The following DST variants were observed in gnomAD, a reference collection of about 807,000 sequenced individuals.
DST encodes the protein bullous pemphigoid antigen.
A neutral mutation model predicts 875.2 loss-of-function variants in DST; 253 were observed. That is an observed-to-expected ratio of 0.29 (90% CI 0.26 to 0.32). DST has a LOEUF of 0.32. Among genes scored for constraint, DST ranks in the 10% least tolerant of loss-of-function variants. DST has a pLI of 1.00. For missense variants in DST, 8,287 were observed against 9,111.6 expected (o/e 0.91, Z 3.68); for synonymous variants, 3,124 against 3,197.1 (o/e 0.98, Z 0.77).
chr6:56,601,511 A>T lies in DST; in HGVS notation c.11473T>A (p.Ser3825Thr), dbSNP rs779439646. Residue 3825 changes from serine (S) to threonine (T), a missense_variant, in exon 44 of 104, where the codon TCA (serine) becomes ACA (threonine). This residue lies in a region of DST where 3,138 missense variants were observed against 3,116.6 expected (regional missense o/e 1.01). Coordinates refer to ENST00000680361, the MANE Select transcript of DST (RefSeq NM_001374736.1). ...AAACGTTCCACCTGGGTAGTTACTG[A>T]CTCCTGTACATCAAGAAAACACTTC... ...TQKCFLDVQE[S>T]VTTQVERLET... The T allele has an allele frequency of 1.2e-6, 2 of 1,606,220 alleles. No individual in the cohort carries two copies. Among genetic ancestry groups the T allele is most frequent in the Non-Finnish European group, 1.7e-6 (2 of 1,176,612 alleles).
chr6:56,944,398 A>T (rs1818342481), intron 2 of DST, among the ~76,000 whole-genome samples: 1 of 151,672 alleles, frequency 6.6e-6, no homozygotes, highest in Admixed American at 6.6e-5. Context: ...GGGAGTCATG[A>T]AAGTTTCCCT....
At chr6:56,536,140 G>A (rs188966796) in intron 62 of DST, among the ~76,000 whole-genome samples, 21 of 152,256 alleles carry the variant, frequency 1.4e-4, no homozygotes, top group Non-Finnish European at 2.9e-5. Context: ...TTTATGTCTC[G>A]TAAGAGCTGC....
intron 32 of DST, among the ~76,000 whole-genome samples, chr6:56,628,776 G>A (rs183488876): frequency 8.2e-4 from 125 of 152,242 alleles, no homozygotes; most frequent in African/African-American, 2.9e-3. Flanking sequence ...ATTTTAAGAT[G>A]AACCCTAAAA....
Position 56,641,973 on chromosome 6 carries a change from G to A in DST, c.2001C>T (p.Tyr667=). 5 of 1,613,442 alleles carry A rather than the reference G, an allele frequency of 3.1e-6. No individual in the cohort carries two copies. The highest frequency in any genetic ancestry group is 2.2e-5 in the South Asian group (2 of 91,022). ...IDVQILIDGK[Y]YQADQLVQRV... is the part of the protein sequence containing the mutation. Reference sequence around the variant, plus strand: ...TCTGTACCAATTGATCTGCCTGGTAGTATTTTCCATCAATAAGAATCTGTA... The same window carrying A: ...TCTGTACCAATTGATCTGCCTGGTAATATTTTCCATCAATAAGAATCTGTA... The change falls in exon 17 of 104, where the codon TAC becomes TAT. Residue 667 remains tyrosine (Y), a synonymous_variant. Coordinates refer to ENST00000680361, the MANE Select transcript of DST (RefSeq NM_001374736.1).
chr6:56,755,498 C>T (rs77694367), intron 4 of DST, among the ~76,000 whole-genome samples: 10,791 of 152,196 alleles, frequency 0.071, 1,212 homozygotes, highest in African/African-American at 0.24. Flanking sequence ...CAGATACTTA[C>T]ATTTAAAGAT....
intron 61 of DST, among the ~76,000 whole-genome samples, chr6:56,543,631 A>G (rs977693843): frequency 6.6e-6 from 1 of 152,244 alleles, no homozygotes; most frequent in African/African-American, 2.4e-5. Context: ...ATTTTACAAA[A>G]TAAGAAACAT....
At position 56,476,412 on chromosome 6, in the gene DST, A is replaced by T. The variant is rs3736848; in HGVS notation, c.21676-75T>A. ...AATTGCAGTGATGTAAAATAAATAA[A>T]TTTTAAATGAAAATTAGGATCATCC... On this transcript the variant is annotated intron_variant, in intron 91 of 103. Transcript: ENST00000680361. The T allele has an allele frequency of 1.5e-4, 189 of 1,292,772 alleles. 1 individual carries two copies. The East Asian group carries it at 4.7e-3, about 32-fold the overall frequency. The allele number at this position is 1,292,772 out of a possible 1,614,324, so 80.1% of individuals were successfully genotyped here.
intron 63 of DST, among the ~76,000 whole-genome samples, chr6:56,533,839 T>G (rs78064698): frequency 0.056 from 8,580 of 152,250 alleles, 359 homozygotes; most frequent in African/African-American, 0.11. Flanking sequence ...TTTCAAAAAC[T>G]TCTAGGGAGA....
chr6:56,899,279 T>C (rs1792883704), intron 3 of DST, among the ~76,000 whole-genome samples: 1 of 152,244 alleles, frequency 6.6e-6, no homozygotes, highest in Non-Finnish European at 1.5e-5. Context: ...CATATTTCTC[T>C]GCATAGATAC....
At chr6:56,481,433 T>G (rs1049519870) in intron 90 of DST, among the ~76,000 whole-genome samples, 11 of 152,214 alleles carry the variant, frequency 7.2e-5, no homozygotes, top group Admixed American at 5.2e-4. Context: ...AGATCTTGAT[T>G]TGAAAACTCA....
chr6:56,603,180 C>A (rs1381782760), intron 42 of DST, 25 bp downstream of exon 42: 1 of 1,568,224 alleles, frequency 6.4e-7, no homozygotes, highest in East Asian at 2.3e-5. Flanking sequence ...CTTCATAAAT[C>A]AAAATTTTGA....
At position 56,477,413 on chromosome 6, in the gene DST, T is replaced by G. The variant is rs752769638; in HGVS notation, c.21607A>C (p.Ile7203Leu). ...ATTMGDTVLA[I>L]CHPDSITTIK... ...GTAGTGATGGAGTCGGGGTGGCAGA[T>G]AGCCAAAACGGTGTCGCCCATAGTG... The change falls in exon 91 of 104, where the codon ATC (isoleucine) becomes CTC (leucine). Residue 7203 changes from isoleucine (I) to leucine (L), a missense_variant. Transcript: ENST00000680361. 1.9e-6 allele frequency: 3 copies of G among 1,614,030 alleles called. No individual in the cohort carries two copies. The highest frequency in any genetic ancestry group is 1.7e-6 in the Non-Finnish European group (2 of 1,179,892).
chr6:56,863,496 T>A (rs1390541650), intron 3 of DST, among the ~76,000 whole-genome samples: 1 of 151,858 alleles, frequency 6.6e-6, no homozygotes, highest in Non-Finnish European at 1.5e-5. Flanking sequence ...GTTAGAATCC[T>A]GTGCTACAGC....
chr6:56,536,771 A>T lies in DST; in HGVS notation c.16770+8T>A. Reference sequence around the variant, plus strand: ...GCAAAATAGCAATGAAGGGGGTGAGAAAATTACCTTCTTATTGAGAGTCTT... The same window carrying T: ...GCAAAATAGCAATGAAGGGGGTGAGTAAATTACCTTCTTATTGAGAGTCTT... On this transcript the variant is annotated splice_region_variant and intron_variant, in intron 62 of 103. Coordinates refer to ENST00000680361, the MANE Select transcript of DST (RefSeq NM_001374736.1). 2 of 1,526,224 alleles carry T rather than the reference A, an allele frequency of 1.3e-6. No individual in the cohort carries two copies. Among genetic ancestry groups the T allele is most frequent in the Non-Finnish European group, 1.8e-6 (2 of 1,133,402 alleles). 94.5% of individuals were successfully genotyped at this position (1,526,224 alleles called of 1,614,324 possible). A position where few individuals can be genotyped will look rare whatever the true frequency, so the allele number is the denominator to read the frequency against.
At chr6:56,617,034 C>A (rs2098633421) in intron 36 of DST, 5 of 1,613,556 alleles carry the variant, frequency 3.1e-6, no homozygotes, top group Non-Finnish European at 4.2e-6. Context: ...TTTGTAGATT[C>A]TAGGTAAAGC....
At chr6:56,706,093 C>T (rs2099332598) in intron 5 of DST, among the ~76,000 whole-genome samples, 1 of 152,092 alleles carries the variant, frequency 6.6e-6, no homozygotes, top group African/African-American at 2.4e-5. Flanking sequence ...GTGGATCAAT[C>T]ACCTGAGGTC....
intron 49 of DST, among the ~76,000 whole-genome samples, chr6:56,580,986 C>T (rs150120189): frequency 0.034 from 5,001 of 149,060 alleles, 283 homozygotes; most frequent in African/African-American, 0.12. Context: ...CCTCCCACCT[C>T]GGCCGTCCAA....
At chr6:56,578,348 T>C (rs1240151321) in intron 50 of DST, among the ~76,000 whole-genome samples, 3 of 152,172 alleles carry the variant, frequency 2.0e-5, no homozygotes, top group African/African-American at 7.2e-5. Context: ...GCACTCAGCC[T>C]GGGCAATAAA....
At chr6:56,485,615 C>T in intron 87 of DST, 144 bp from the exon 88 acceptor site, 1 of 838,812 alleles carries the variant, frequency 1.2e-6, no homozygotes, top group Non-Finnish European at 1.8e-6. Flanking sequence ...CTTTGCTCTT[C>T]TTAGGAAAAA....
Sources: gnomAD v4.1 joint callset for allele counts (sites outside exome capture counted in the v4.1 genomes callset) on GRCh38, gnomAD v4.1.1 for gene constraint, gnomAD v4.1.1 regional missense constraint, MANE v1.5 for transcripts, NCBI Gene and HGNC (gene_info 2026-07-23, HGNC 2026-07-21) for gene names.